The following ITGA8 variants were observed in gnomAD, a reference collection of about 807,000 sequenced individuals.
The protein encoded by ITGA8 is integrin alpha-8.
Under a neutral mutation model 142.3 loss-of-function variants are expected in ITGA8, and 91 were observed. The ratio of observed to expected loss-of-function variants is 0.64; its 90% CI spans 0.54 to 0.76. The LOEUF (loss-of-function observed/expected upper bound fraction) is 0.76. Ranked by LOEUF, ITGA8 falls within the 30% of genes least tolerant of loss-of-function variation. ITGA8 has a pLI of 0.00. For missense variants in ITGA8, 1,406 were observed against 1,327.7 expected (o/e 1.06, Z -0.92); for synonymous variants, 505 against 485.2 (o/e 1.04, Z -0.54).
chr10:15,683,721 C>T (rs761120347), intron 4 of ITGA8, among the ~76,000 whole-genome samples: 1 of 152,234 alleles, frequency 6.6e-6, no homozygotes, highest in African/African-American at 2.4e-5. Flanking sequence ...GAATTTTGAA[C>T]AGCAACTGAC....
intron 2 of ITGA8, among the ~76,000 whole-genome samples, chr10:15,697,055 A>ACACACACG (rs1302900833): frequency 1.3e-5 from 2 of 151,524 alleles, no homozygotes; most frequent in African/African-American, 4.9e-5. Context: ...AAACACACAC[A>ACACACACG]CACACACACA....
intron 13 of ITGA8, among the ~76,000 whole-genome samples, chr10:15,621,692 GA>G (rs1395084741): frequency 6.6e-6 from 1 of 152,122 alleles, no homozygotes; most frequent in African/African-American, 2.4e-5. Flanking sequence ...AGATGAGGAA[GA>G]GCTGACAGTA....
chr10:15,579,967 G>C (rs1005028022), intron 23 of ITGA8, among the ~76,000 whole-genome samples: 1 of 151,388 alleles, frequency 6.6e-6, no homozygotes, highest in African/African-American at 2.4e-5. Flanking sequence ...GGGAGAGAAA[G>C]TCAAATCCAA....
chr10:15,598,001 G>C (rs57908836), intron 20 of ITGA8, among the ~76,000 whole-genome samples: 2,161 of 152,202 alleles, frequency 0.014, 43 homozygotes, highest in African/African-American at 0.05. Flanking sequence ...GTTGCCCTTG[G>C]CTTCCAGCTC....
intron 28 of ITGA8, among the ~76,000 whole-genome samples, chr10:15,521,147 T>C (rs555489278): frequency 2.0e-5 from 3 of 152,288 alleles, no homozygotes; most frequent in African/African-American, 7.2e-5. Flanking sequence ...GCCTCCCCAG[T>C]AGCTGGGGTT....
Position 15,608,322 on chromosome 10 carries a change from T to C in ITGA8, c.1554-32A>G, listed in dbSNP as rs756738314. 9 of 1,439,394 alleles carry C rather than the reference T, an allele frequency of 6.3e-6. No individual in the cohort carries two copies. The Admixed American group carries it at 1.9e-4, about 31-fold the overall frequency. The allele number at this position is 1,439,394 out of a possible 1,614,324, so 89.2% of individuals were successfully genotyped here. ...AAAATAGTAGTAATTTATTGGTTAA[T>C]AAAGTTTTGAATCTAAAGTAGAAGC... On this transcript the variant is annotated intron_variant, in intron 15 of 29. Coordinates refer to ENST00000378076, the MANE Select transcript of ITGA8 (RefSeq NM_003638.3).
chr10:15,576,915 A>G (rs1441524313), intron 23 of ITGA8, among the ~76,000 whole-genome samples: 1 of 152,164 alleles, frequency 6.6e-6, no homozygotes, highest in East Asian at 1.9e-4. Flanking sequence ...GGCTGATACC[A>G]CAGACATTTC....
intron 13 of ITGA8, among the ~76,000 whole-genome samples, chr10:15,628,324 G>GTTTTTTTT (rs4030578): frequency 4.9e-5 from 3 of 61,564 alleles, no homozygotes; most frequent in African/African-American, 6.8e-5. Flanking sequence ...ATTTATTTTG[G>GTTTTTTTT]TTTTTTTTTT....
At chr10:15,659,730 A>C (rs1013989180) in intron 9 of ITGA8, among the ~76,000 whole-genome samples, 3 of 152,170 alleles carry the variant, frequency 2.0e-5, no homozygotes, top group Non-Finnish European at 4.4e-5. Flanking sequence ...CTCTAAATCC[A>C]ATGACTGATG....
intron 25 of ITGA8, among the ~76,000 whole-genome samples, chr10:15,563,777 G>A (rs1308748346): frequency 6.6e-6 from 1 of 152,034 alleles, no homozygotes; most frequent in Non-Finnish European, 1.5e-5. Flanking sequence ...TAGCCAGGCT[G>A]GTGGTGGTGC....
chr10:15,532,367 C>G (rs1440632047), intron 27 of ITGA8, among the ~76,000 whole-genome samples: 1 of 140,262 alleles, frequency 7.1e-6, no homozygotes, highest in East Asian at 2.2e-4. Flanking sequence ...TGCAGTGAGC[C>G]GAGATCGTGC....
Position 15,719,870 on chromosome 10 carries a change from C to T in ITGA8, c.-99G>A, listed in dbSNP as rs569516780. ...TGGAATCTGGCGGTCCCCAGCTGCCCGTGTCCCGGGTCGGTGCGCTCGGCG... is the reference window on the plus strand; with the variant it reads ...TGGAATCTGGCGGTCCCCAGCTGCCTGTGTCCCGGGTCGGTGCGCTCGGCG... On this transcript the variant is annotated 5_prime_UTR_variant, in exon 1 of 30. Coordinates refer to ENST00000378076, the MANE Select transcript of ITGA8 (RefSeq NM_003638.3). 6.2e-5 allele frequency: 59 copies of T among 954,152 alleles called. No homozygotes were observed. In the African/African-American group the frequency reaches 8.9e-4, roughly 14 times the overall value. 59.1% of individuals were successfully genotyped at this position (954,152 alleles called of 1,614,324 possible).
chr10:15,643,415 G>GA (rs1357658222), intron 13 of ITGA8, among the ~76,000 whole-genome samples: 1 of 152,112 alleles, frequency 6.6e-6, no homozygotes, highest in Non-Finnish European at 1.5e-5. Flanking sequence ...GAGTAACTGG[G>GA]ACTACAGGCA....
rs1484692771 is a variant in ITGA8, at chr10:15,609,209, C to G, written c.1554-919G>C. ...CTTTGTTGAATGAAAGTGCTCACCT[C>G]TCCCTGAAAAATTCCAAGCCCTAAC... On this transcript the variant is annotated intron_variant, in intron 15 of 29. Coordinates refer to ENST00000378076, the MANE Select transcript of ITGA8 (RefSeq NM_003638.3). 1.3e-5 allele frequency among the ~76,000 whole-genome samples: 2 copies of G among 152,124 alleles called. 1 individual carries two copies. The highest frequency in any genetic ancestry group is 2.9e-5 in the Non-Finnish European group (2 of 68,034).
At chr10:15,683,703 C>T (rs543435874) in intron 4 of ITGA8, among the ~76,000 whole-genome samples, 21 of 152,256 alleles carry the variant, frequency 1.4e-4, no homozygotes, top group African/African-American at 3.1e-4. Flanking sequence ...CTTTAGGACA[C>T]GGAACGTGAA....
At chr10:15,549,473 G>C (rs1486885195) in intron 26 of ITGA8, among the ~76,000 whole-genome samples, 2 of 151,966 alleles carry the variant, frequency 1.3e-5, no homozygotes, top group African/African-American at 4.8e-5. Context: ...GGCCTCCCAA[G>C]GTGTTGGGAT....
intron 25 of ITGA8, among the ~76,000 whole-genome samples, chr10:15,558,918 C>T (rs1833928884): frequency 6.6e-6 from 1 of 152,152 alleles, no homozygotes; most frequent in Non-Finnish European, 1.5e-5. Context: ...ATCGCATTAA[C>T]ATTCTTTATT....
chr10:15,637,765 T>C (rs1175027993), intron 13 of ITGA8, among the ~76,000 whole-genome samples: 3 of 151,918 alleles, frequency 2.0e-5, no homozygotes, highest in African/African-American at 7.3e-5. Context: ...AGTATTGGGA[T>C]TACAGGCATG....
chr10:15,703,324 A>G (rs1557040), intron 2 of ITGA8, among the ~76,000 whole-genome samples: 142,197 of 152,246 alleles, frequency 0.93, 67,021 homozygotes, highest in East Asian at 1. Flanking sequence ...TTGAATAACC[A>G]ATAGTGCCTA....
Sources: allele counts gnomAD v4.1 joint callset (sites outside exome capture counted in the v4.1 genomes callset), GRCh38; gene constraint gnomAD v4.1.1; transcripts MANE v1.5; gene names NCBI Gene and HGNC (gene_info 2026-07-23, HGNC 2026-07-21).